IMMP2L: variants seen among roughly 807,000 people sequenced by gnomAD.
The protein encoded by IMMP2L is inner mitochondrial membrane peptidase subunit 2.
A neutral mutation model predicts 19.3 loss-of-function variants in IMMP2L; 18 were observed. The observed-to-expected ratio is 0.93, with a 90% CI of 0.64 to 1.38. The LOEUF (loss-of-function observed/expected upper bound fraction) is 1.38. IMMP2L is among the 40% of genes most tolerant of loss of function. The pLI, the probability that IMMP2L is intolerant of heterozygous loss-of-function variation, is 0.00. For missense variants in IMMP2L, 233 were observed against 218.2 expected (o/e 1.07, Z -0.43); for synonymous variants, 76 against 73.0 (o/e 1.04, Z -0.21).
At chr7:110,774,762 G>A (rs1038985696) in intron 5 of IMMP2L, among the ~76,000 whole-genome samples, 1 of 151,938 alleles carries the variant, frequency 6.6e-6, no homozygotes, top group Admixed American at 6.6e-5. Flanking sequence ...GTGTATAGTA[G>A]GTATACCATC....
intron 3 of IMMP2L, among the ~76,000 whole-genome samples, chr7:111,320,054 C>T (rs994399686): frequency 6.6e-6 from 1 of 151,922 alleles, no homozygotes; most frequent in South Asian, 2.1e-4. Context: ...CAGCCTCCAT[C>T]GTGGGAAGAT....
intron 3 of IMMP2L, among the ~76,000 whole-genome samples, chr7:110,978,271 A>T (rs542632492): frequency 2.0e-5 from 3 of 152,116 alleles, no homozygotes; most frequent in Admixed American, 2.0e-4. Flanking sequence ...GTAGGCTTTT[A>T]TTCCAAGTAC....
At chr7:111,309,699 G>T (rs1207537563) in intron 3 of IMMP2L, among the ~76,000 whole-genome samples, 2 of 151,986 alleles carry the variant, frequency 1.3e-5, no homozygotes, top group African/African-American at 2.4e-5. Context: ...CCTTTATTAA[G>T]AATGCAGACA....
chr7:111,038,793 G>C (rs1023506270), intron 3 of IMMP2L, among the ~76,000 whole-genome samples: 2 of 152,106 alleles, frequency 1.3e-5, no homozygotes, highest in Non-Finnish European at 2.9e-5. Context: ...AATTAAAGGG[G>C]ATAATCTTTA....
rs140488372 is a variant in IMMP2L, at chr7:110,979,685, T to TAA, written c.240-16122_240-16121dup. Among the ~76,000 whole-genome samples the TAA allele has an allele frequency of 2.2e-3, 325 of 148,352 alleles. 3 individuals carry two copies. Among genetic ancestry groups the TAA allele is most frequent in the African/African-American group, 6.3e-3 (254 of 40,210 alleles). On this transcript the variant is annotated intron_variant, in intron 3 of 5. Coordinates refer to ENST00000405709, the MANE Select transcript of IMMP2L (RefSeq NM_032549.4). ...GAGACAGAAAGGCAGGGTTTAAACT[T>TAA]AAAAAACAAAACAAAAACAAAACCA...
chr7:111,019,143 A>G (rs1417309677), intron 3 of IMMP2L, among the ~76,000 whole-genome samples: 1 of 152,168 alleles, frequency 6.6e-6, no homozygotes, highest in African/African-American at 2.4e-5. Flanking sequence ...CAGTCAATAA[A>G]TGTGTTGAAT....
intron 3 of IMMP2L, among the ~76,000 whole-genome samples, chr7:111,014,013 T>C (rs1825238873): frequency 6.6e-6 from 1 of 152,114 alleles, no homozygotes; most frequent in African/African-American, 2.4e-5. Context: ...ACAGCAAAAC[T>C]TCATTATTTT....
At chr7:111,500,817 A>C (rs941616134) in intron 2 of IMMP2L, among the ~76,000 whole-genome samples, 7 of 152,164 alleles carry the variant, frequency 4.6e-5, no homozygotes, top group Non-Finnish European at 1.0e-4. Context: ...CCAAAAACCC[A>C]TCTGTACGTC....
chr7:111,041,460 G>A (rs918181322), intron 3 of IMMP2L, among the ~76,000 whole-genome samples: 1 of 151,804 alleles, frequency 6.6e-6, no homozygotes, highest in Non-Finnish European at 1.5e-5. Flanking sequence ...TTAACTGCCA[G>A]ATGAGTGGCT....
At chr7:111,257,942 C>T (rs1330045778) in intron 3 of IMMP2L, among the ~76,000 whole-genome samples, 1 of 151,870 alleles carries the variant, frequency 6.6e-6, no homozygotes, top group Non-Finnish European at 1.5e-5. Context: ...GCCCCCCAGC[C>T]CCCAACAGGC....
At chr7:111,063,976 C>T (rs559729213) in intron 3 of IMMP2L, among the ~76,000 whole-genome samples, 5 of 152,284 alleles carry the variant, frequency 3.3e-5, no homozygotes, top group African/African-American at 9.6e-5. Flanking sequence ...GTTCCAAAGT[C>T]GCTTCCATAT....
intron 3 of IMMP2L, among the ~76,000 whole-genome samples, chr7:111,002,488 G>T (rs1395728841): frequency 6.6e-6 from 1 of 152,082 alleles, no homozygotes; most frequent in Admixed American, 6.6e-5. Flanking sequence ...TAAGGCAGAG[G>T]TTCTTCAGAA....
At chr7:111,241,630 T>C (rs1412592019) in intron 3 of IMMP2L, among the ~76,000 whole-genome samples, 1 of 151,852 alleles carries the variant, frequency 6.6e-6, no homozygotes, top group Non-Finnish European at 1.5e-5. Context: ...GTTATGGCAT[T>C]TGTAGTTAAG....
At chr7:111,128,756 C>T (rs542750540) in intron 3 of IMMP2L, among the ~76,000 whole-genome samples, 1 of 151,970 alleles carries the variant, frequency 6.6e-6, no homozygotes, top group Non-Finnish European at 1.5e-5. Context: ...ATCTGGGAGG[C>T]GGAGGTTGCA....
chr7:110,855,347 C>T (rs927612784), intron 5 of IMMP2L, among the ~76,000 whole-genome samples: 1 of 151,840 alleles, frequency 6.6e-6, no homozygotes, highest in Non-Finnish European at 1.5e-5. Context: ...GATCTAATGC[C>T]TATGGGGTGA....
intron 3 of IMMP2L, among the ~76,000 whole-genome samples, chr7:111,285,163 A>C (rs1385855774): frequency 6.6e-6 from 1 of 152,174 alleles, no homozygotes; most frequent in African/African-American, 2.4e-5. Flanking sequence ...ACAGTGTGGC[A>C]TATGAGGAGG....
At chr7:111,387,449 C>T (rs935605985) in intron 3 of IMMP2L, among the ~76,000 whole-genome samples, 2 of 152,066 alleles carry the variant, frequency 1.3e-5, no homozygotes, top group Non-Finnish European at 2.9e-5. Flanking sequence ...AACCAATAAA[C>T]AAGGTTCAAC....
At chr7:110,721,495 T>A (rs1051463784) in intron 5 of IMMP2L, among the ~76,000 whole-genome samples, 1 of 151,950 alleles carries the variant, frequency 6.6e-6, no homozygotes, top group Admixed American at 6.6e-5. Flanking sequence ...TAGGTTTTCT[T>A]GGATGACAAA....
chr7:111,297,533 T>C (rs1003001982), intron 3 of IMMP2L, among the ~76,000 whole-genome samples: 1 of 152,086 alleles, frequency 6.6e-6, no homozygotes, highest in Non-Finnish European at 1.5e-5. Flanking sequence ...TATATACTTA[T>C]CACAAGACTC....
Sources: allele counts gnomAD v4.1 joint callset (sites outside exome capture counted in the v4.1 genomes callset), GRCh38; gene constraint gnomAD v4.1.1; transcripts MANE v1.5; gene names NCBI Gene and HGNC (gene_info 2026-07-23, HGNC 2026-07-21).